Variants in FRYL observed in about 807,000 individuals in gnomAD.
The protein encoded by FRYL is FRY like transcription coactivator.
In FRYL, 150 loss-of-function variants were observed where a neutral mutation model predicts 351.2. The ratio of observed to expected loss-of-function variants is 0.43; its 90% confidence interval spans 0.37 to 0.49. The LOEUF is 0.49. Among genes scored for constraint, FRYL ranks in the 20% least tolerant of loss-of-function variants. FRYL has a pLI of 0.00. For missense variants in FRYL, 3,036 were observed against 3,619.3 expected, an observed-to-expected ratio of 0.84 and a Z score of 4.13; for synonymous variants, 1,153 against 1,257.1, an observed-to-expected ratio of 0.92 and a Z score of 1.75.
intron 3 of FRYL, among the ~76,000 whole-genome samples, chr4:48,648,251 G>C (rs1756936928): frequency 6.6e-6 from 1 of 152,028 alleles, no homozygotes; most frequent in Non-Finnish European, 1.5e-5. Flanking sequence ...CTGTCGCAAA[G>C]CCCATCAATG....
At chr4:48,756,489 T>G (rs1773788233) in intron 1 of FRYL, among the ~76,000 whole-genome samples, 2 of 152,186 alleles carry the variant, frequency 1.3e-5, no homozygotes, top group Non-Finnish European at 2.9e-5. Flanking sequence ...TGGTATTTGT[T>G]GCTTGTTAAC....
chr4:48,555,957 C>T (rs1382106205), intron 35 of FRYL, among the ~76,000 whole-genome samples: 6 of 152,116 alleles, frequency 3.9e-5, no homozygotes, highest in Non-Finnish European at 8.8e-5. Context: ...TGCAGTGGTG[C>T]AATCTTGGCT....
rs1293218449 is a variant in FRYL, at chr4:48,602,063, T to C, written c.992A>G (p.Asn331Ser). Residue 331 changes from asparagine (N) to serine (S), a missense_variant, in exon 13 of 64, where the codon AAT becomes AGT. Asn to Ser is a conservative substitution (Grantham distance 46). Transcript: ENST00000358350. The stretch of plus-strand genomic sequence containing the variant: ...GTTCTGTAGGAAAATATGCCAGTTA[T>C]TTAAAAAAAATTGTTTCTGACTGAC... ...LCVSQKQFFL[N>S]NWHIFLQNCL... The C allele has an allele frequency of 2.5e-6, 4 of 1,602,120 alleles. No homozygotes were observed. The highest frequency in any genetic ancestry group is 3.4e-6 in the Non-Finnish European group (4 of 1,169,848).
In FRYL at chr4:48,576,036, A is replaced by T. The variant is rs773652490; in HGVS notation, c.2715T>A (p.Asp905Glu). 5 of 1,595,064 alleles carry T rather than the reference A, an allele frequency of 3.1e-6. No homozygotes were observed. The South Asian group carries it at 5.7e-5, about 18-fold the overall frequency. The change falls in exon 24 of 64, where the codon GAT (aspartate) becomes GAA (glutamate). Residue 905 changes from aspartate (D) to glutamate (E), a missense_variant. By Grantham distance (45) the Asp-to-Glu change is conservative. Around this residue, in one of 7 missense-constraint regions of FRYL, gnomAD observed 492 missense variants for 551.5 expected, o/e 0.89. Coordinates refer to ENST00000358350, the MANE Select transcript of FRYL (RefSeq NM_015030.2). The part of the protein sequence containing the change: ...ASTPDSGYSI[D>E]SKIIGIPSPS... ...GTGGATCTGAGAAACTTACTTTAGAATCAATGCTATAGCCGCTATCTGGGG... is the reference window on the plus strand; with the variant it reads ...GTGGATCTGAGAAACTTACTTTAGATTCAATGCTATAGCCGCTATCTGGGG...
intron 49 of FRYL, among the ~76,000 whole-genome samples, chr4:48,533,925 GAAGA>G (rs1263237365): frequency 6.6e-6 from 1 of 152,076 alleles, no homozygotes; most frequent in African/African-American, 2.4e-5. Context: ...AGAAAGGTAC[GAAGA>G]AAGAAAGAAC....
In FRYL at chr4:48,589,784, C is replaced by G. The variant is rs780267606; in HGVS notation, c.1601G>C (p.Ser534Thr). 6.2e-7 allele frequency: 1 copy of G among 1,613,900 alleles called. No individual in the cohort carries two copies. Among genetic ancestry groups the G allele is most frequent in the Non-Finnish European group, 8.5e-7 (1 of 1,179,816 alleles). The change falls in exon 18 of 64, where the codon AGT (serine) becomes ACT (threonine). Residue 534 changes from serine to threonine, a missense_variant. Physicochemically the swap from Ser to Thr is moderately conservative, Grantham distance 58 (BLOSUM62 1). Around this residue, in one of 7 missense-constraint regions of FRYL, gnomAD observed 78 missense variants for 106.6 expected, o/e 0.73. Coordinates refer to ENST00000358350, the MANE Select transcript of FRYL (RefSeq NM_015030.2). ...AGGCTCCTTATTAGACATCTGCACACTGGTCATACACATTGGTCTCCCAAC... is the reference window on the plus strand; with the variant it reads ...AGGCTCCTTATTAGACATCTGCACAGTGGTCATACACATTGGTCTCCCAAC... ...KEVGRPMCMT[S>T]VQMSNKEPED...
At position 48,499,156 on chromosome 4, in the gene FRYL, T is replaced by C. The variant is rs932372581; in HGVS notation, c.*266A>G. On this transcript the variant is annotated 3_prime_UTR_variant, in exon 64 of 64. Transcript: ENST00000358350. Reference sequence around the variant, plus strand: ...AAAGTAATGTATTTGTAGGCATCACTTTTAGCCCTTTTCTTTTCACGTAGG... The same window carrying C: ...AAAGTAATGTATTTGTAGGCATCACCTTTAGCCCTTTTCTTTTCACGTAGG... The C allele has an allele frequency of 5.2e-6, 2 of 384,208 alleles. No individual in the cohort carries two copies. The highest frequency in any genetic ancestry group is 4.1e-5 in the African/African-American group (2 of 48,788). 23.8% of individuals were successfully genotyped at this position (384,208 alleles called of 1,614,324 possible). A position where few individuals can be genotyped will look rare whatever the true frequency, so the allele number is the denominator to read the frequency against.
At chr4:48,584,771 G>C (rs1007985540) in intron 19 of FRYL, among the ~76,000 whole-genome samples, 24 of 152,340 alleles carry the variant, frequency 1.6e-4, no homozygotes, top group Admixed American at 1.6e-3. Flanking sequence ...CTTAGGGACA[G>C]GATACAGGTC....
At chr4:48,598,215 A>G (rs1388062922) in intron 13 of FRYL, among the ~76,000 whole-genome samples, 4 of 152,336 alleles carry the variant, frequency 2.6e-5, no homozygotes, top group African/African-American at 9.6e-5. Flanking sequence ...AATTAAAACA[A>G]AAAACAAAAA....
intron 4 of FRYL, among the ~76,000 whole-genome samples, chr4:48,631,875 G>C (rs1045884567): frequency 6.7e-6 from 1 of 150,136 alleles, no homozygotes; most frequent in Non-Finnish European, 1.5e-5. Flanking sequence ...CAGCTTGGGT[G>C]AGATCTCATC....
intron 47 of FRYL, among the ~76,000 whole-genome samples, chr4:48,538,178 G>A (rs1232025418): frequency 6.6e-6 from 1 of 152,044 alleles, no homozygotes; most frequent in African/African-American, 2.4e-5. Context: ...GATATTTAAT[G>A]TTCTATTGGA....
At chr4:48,598,181 C>T (rs1338910912) in intron 13 of FRYL, among the ~76,000 whole-genome samples, 1 of 152,114 alleles carries the variant, frequency 6.6e-6, no homozygotes, top group Admixed American at 6.6e-5. Context: ...CTAGCCTGGG[C>T]TAGTCAGACC....
chr4:48,631,663 T>C (rs1323095465), intron 4 of FRYL, among the ~76,000 whole-genome samples: 1 of 152,106 alleles, frequency 6.6e-6, no homozygotes, highest in Non-Finnish European at 1.5e-5. Context: ...TATAACGTGA[T>C]ATCATCATAA....
At chr4:48,643,135 A>G (rs1463789979) in intron 3 of FRYL, among the ~76,000 whole-genome samples, 1 of 152,188 alleles carries the variant, frequency 6.6e-6, no homozygotes, top group African/African-American at 2.4e-5. Context: ...AGTCCTGTAA[A>G]CACCAGAATC....
Position 48,685,846 on chromosome 4 carries a change from C to T in FRYL, c.-203-1051G>A, listed in dbSNP as rs191813764. 3.6e-3 allele frequency among the ~76,000 whole-genome samples: 546 copies of T among 152,150 alleles called. 3 individuals carry two copies. The highest frequency in any genetic ancestry group is 6.8e-3 in the Middle Eastern group (2 of 294). On this transcript the variant is annotated intron_variant, in intron 2 of 63. Transcript: ENST00000358350. ...TCAGCTCACTGCAACCTCCACCTCC[C>T]GGGTTCAAGCGATTCTCCTGCCTCA... is the stretch of plus-strand genomic sequence containing the variant.
intron 2 of FRYL, among the ~76,000 whole-genome samples, chr4:48,708,799 G>T (rs1202039750): frequency 1.3e-5 from 2 of 151,926 alleles, no homozygotes; most frequent in African/African-American, 4.8e-5. Flanking sequence ...TTGCTGTGTT[G>T]CCCAGGCTGG....
intron 35 of FRYL, among the ~76,000 whole-genome samples, chr4:48,555,290 A>AT (rs1324430224): frequency 6.6e-6 from 1 of 152,208 alleles, no homozygotes; most frequent in Non-Finnish European, 1.5e-5. Flanking sequence ...ACTACACTAA[A>AT]TGGAAATTTA....
chr4:48,751,036 C>T (rs1382089954), intron 1 of FRYL, among the ~76,000 whole-genome samples: 1 of 152,064 alleles, frequency 6.6e-6, no homozygotes, highest in East Asian at 1.9e-4. Context: ...GTGAAACATA[C>T]AAGCACTAAA....
chr4:48,762,972 C>T (rs1437560364), intron 1 of FRYL, among the ~76,000 whole-genome samples: 2 of 151,918 alleles, frequency 1.3e-5, no homozygotes, highest in Admixed American at 6.6e-5. Context: ...TTATACTATT[C>T]TCCAGGGAAA....
Sources: allele counts gnomAD v4.1 joint callset (sites outside exome capture counted in the v4.1 genomes callset), GRCh38; gene constraint gnomAD v4.1.1; regional missense constraint gnomAD v4.1.1; transcripts MANE v1.5; gene names NCBI Gene and HGNC (gene_info 2026-07-23, HGNC 2026-07-21).